ZBTB44: variants seen among roughly 807,000 people sequenced by gnomAD.
The protein encoded by ZBTB44 is zinc finger and BTB domain-containing protein 44.
A neutral mutation model predicts 54.0 loss-of-function variants in ZBTB44; 15 were observed. The observed-to-expected ratio is 0.28, with a 90% CI of 0.19 to 0.43. The LOEUF is 0.43. Ranked by LOEUF, ZBTB44 falls within the 20% of genes least tolerant of loss-of-function variation. The pLI is 1.00. For missense variants in ZBTB44, 487 were observed against 707.1 expected, an observed-to-expected ratio of 0.69 and a Z score of 3.53; for synonymous variants, 230 against 250.1, an observed-to-expected ratio of 0.92 and a Z score of 0.76.
chr11:130,280,727 T>C (rs1940441164), intron 1 of ZBTB44, among the ~76,000 whole-genome samples: 1 of 152,256 alleles, frequency 6.6e-6, no homozygotes, highest in South Asian at 2.1e-4. Context: ...TTCTTTACGT[T>C]GACTTGTTCC....
intron 2 of ZBTB44, among the ~76,000 whole-genome samples, chr11:130,246,569 A>G (rs1591946222): frequency 6.6e-6 from 1 of 152,080 alleles, no homozygotes. Flanking sequence ...GTTGCATCAA[A>G]CTCAAGTTGC....
At chr11:130,271,122 G>A (rs1307587771) in intron 1 of ZBTB44, among the ~76,000 whole-genome samples, 1 of 152,050 alleles carries the variant, frequency 6.6e-6, no homozygotes, top group Non-Finnish European at 1.5e-5. Context: ...ATATATGAAT[G>A]AATAAATTTA....
intron 1 of ZBTB44, among the ~76,000 whole-genome samples, chr11:130,299,536 G>A (rs1478212073): frequency 2.0e-5 from 3 of 149,018 alleles, no homozygotes; most frequent in African/African-American, 7.4e-5. Flanking sequence ...CTGGGTGACA[G>A]AGCGAGACTT....
chr11:130,282,440 GGTTCTTCCACAA>G (rs1242062237), intron 1 of ZBTB44, among the ~76,000 whole-genome samples: 2 of 152,290 alleles, frequency 1.3e-5, no homozygotes, highest in African/African-American at 4.8e-5. Flanking sequence ...GTGTTCTCAA[GGTTCTTCCACAA>G]TGTACTACTG....
chr11:130,311,936 AAAAG>A (rs887308172), intron 1 of ZBTB44, among the ~76,000 whole-genome samples: 5 of 152,294 alleles, frequency 3.3e-5, no homozygotes, highest in East Asian at 1.9e-4. Flanking sequence ...TTGGTCATTA[AAAAG>A]AAAGACGACT....
Position 130,304,449 on chromosome 11 carries a change from C to T in ZBTB44, c.-57+9926G>A, listed in dbSNP as rs554127051. ...GCCTCCTAAGTAATGAGGGAACCCT[C>T]TTTACAACAGTCTTTAATGCTTGAC... On this transcript the variant is annotated intron_variant, in intron 1 of 7. Transcript: ENST00000357899. Among the ~76,000 whole-genome samples the T allele has an allele frequency of 2.6e-5, 4 of 152,260 alleles. No individual in the cohort carries two copies. In the East Asian group the frequency reaches 7.7e-4, roughly 29 times the overall value.
chr11:130,289,083 G>A (rs1049593219), intron 1 of ZBTB44, among the ~76,000 whole-genome samples: 15 of 152,300 alleles, frequency 9.8e-5, no homozygotes, highest in African/African-American at 3.6e-4. Context: ...TGTGGGAAGT[G>A]CTCAAGAGGT....
chr11:130,243,476 A>G lies in ZBTB44; in HGVS notation c.1019-3580T>C, dbSNP rs553742640. ...ACCCACTCAAAGTCTGTGTTGTAAC[A>G]ATTTGTAAGTGGTCTAGCAGTAACT... On this transcript the variant is annotated intron_variant, in intron 2 of 7. Transcript: ENST00000357899. Among the ~76,000 whole-genome samples the G allele has an allele frequency of 4.6e-5, 7 of 152,344 alleles. No homozygotes were observed. In the South Asian group the frequency reaches 8.3e-4, roughly 18 times the overall value.
At chr11:130,235,763 A>T (rs1466289224) in intron 5 of ZBTB44, among the ~76,000 whole-genome samples, 1 of 152,112 alleles carries the variant, frequency 6.6e-6, no homozygotes, top group African/African-American at 2.4e-5. Context: ...GCACTTTGGG[A>T]GGCTGAAGCA....
chr11:130,276,560 G>A (rs375224540), intron 1 of ZBTB44, among the ~76,000 whole-genome samples: 63 of 151,554 alleles, frequency 4.2e-4, no homozygotes, highest in African/African-American at 1.5e-3. Flanking sequence ...TCAGCCTCTC[G>A]AGTAGCTGGG....
Position 130,288,242 on chromosome 11 carries a change from C to T in ZBTB44, c.-57+26133G>A, listed in dbSNP as rs550732793. Among the ~76,000 whole-genome samples, 10 of 151,988 alleles carry T rather than the reference C, an allele frequency of 6.6e-5. 1 individual carries two copies. The highest frequency in any genetic ancestry group is 2.6e-4 in the Admixed American group (4 of 15,262). ...TATAAAAATTAGCCGGGTGTGGTGG[C>T]GCACACCTGTAGTCCCAGCTACTTG... On this transcript the variant is annotated intron_variant, in intron 1 of 7. Transcript: ENST00000357899.
intron 2 of ZBTB44, among the ~76,000 whole-genome samples, chr11:130,250,228 G>T (rs1369263120): frequency 1.3e-5 from 2 of 152,130 alleles, no homozygotes; most frequent in Non-Finnish European, 2.9e-5. Flanking sequence ...CTCTTCATTG[G>T]GCAGGGCATC....
At position 130,226,907 on chromosome 11, in the gene ZBTB44, C is replaced by T. The variant is rs2136230292; in HGVS notation, c.*4857G>A. ...AAACAATCAGGCTAGCAAAAAGGTACTCAATACATATTTTCCTTATATCAA... is the reference window on the plus strand; with the variant it reads ...AAACAATCAGGCTAGCAAAAAGGTATTCAATACATATTTTCCTTATATCAA... On this transcript the variant is annotated 3_prime_UTR_variant, in exon 8 of 8. Coordinates refer to ENST00000357899, the MANE Select transcript of ZBTB44 (RefSeq NM_001301098.2). 6.6e-6 allele frequency: 1 copy of T among 152,122 alleles called. No individual in the cohort carries two copies. Among genetic ancestry groups the T allele is most frequent in the Non-Finnish European group, 1.5e-5 (1 of 68,002 alleles). 9.4% of individuals were successfully genotyped at this position (152,122 alleles called of 1,614,324 possible). A position where few individuals can be genotyped will look rare whatever the true frequency, so the allele number is the denominator to read the frequency against.
chr11:130,262,711 T>C (rs984236917), intron 1 of ZBTB44, among the ~76,000 whole-genome samples: 2 of 148,844 alleles, frequency 1.3e-5, no homozygotes, highest in Non-Finnish European at 3.0e-5. Context: ...AAAAGAAAGA[T>C]GGGAAAAAGA....
rs200473286 is a variant in ZBTB44 at position 130,275,249 on chromosome 11, T to TA, written c.-56-13321dup. ...TCCTTAATATAAGCATCTGTAACTA[T>TA]AAATTTCCCTCTAAGCACTGCTATA... On this transcript the variant is annotated intron_variant, in intron 1 of 7. Transcript: ENST00000357899. Among the ~76,000 whole-genome samples, 1,041 of 152,316 alleles carry TA rather than the reference T, an allele frequency of 6.8e-3. 29 individuals carry two copies. The highest frequency in any genetic ancestry group is 0.053 in the East Asian group (274 of 5,186).
chr11:130,261,993 A>T lies in ZBTB44; in HGVS notation c.-56-64T>A, dbSNP rs537158296. Reference sequence around the variant, plus strand: ...AGTGGTTTAAAATGTGATTTAGATCATTTTCATGTGGCCACTGTACTAAAT... The same window carrying T: ...AGTGGTTTAAAATGTGATTTAGATCTTTTTCATGTGGCCACTGTACTAAAT... On this transcript the variant is annotated intron_variant, in intron 1 of 7. Coordinates refer to ENST00000357899, the MANE Select transcript of ZBTB44 (RefSeq NM_001301098.2). The surrounding 1 kb of genome is among the most constrained non-coding windows in gnomAD (Gnocchi z 4.8). The T allele has an allele frequency of 1.2e-3, 1,490 of 1,198,662 alleles. 5 individuals carry two copies. Among genetic ancestry groups the T allele is most frequent in the Non-Finnish European group, 1.6e-3 (1,375 of 886,544 alleles). The allele number at this position is 1,198,662 out of a possible 1,614,324, so 74.3% of individuals were successfully genotyped here. A position where few individuals can be genotyped will look rare whatever the true frequency, so the allele number is the denominator to read the frequency against.
chr11:130,302,333 A>G (rs1270378495), intron 1 of ZBTB44, among the ~76,000 whole-genome samples: 3 of 152,182 alleles, frequency 2.0e-5, no homozygotes, highest in Non-Finnish European at 4.4e-5. Context: ...ACTGCCTCTC[A>G]AAGTGAAGTT....
chr11:130,234,279 T>A lies in ZBTB44; in HGVS notation c.1569-6A>T. On this transcript the variant is annotated splice_region_variant and splice_polypyrimidine_tract_variant and intron_variant, in intron 5 of 7. Coordinates refer to ENST00000357899, the MANE Select transcript of ZBTB44 (RefSeq NM_001301098.2). ...AGTCCGGTACTAGGAAATCACTAGA[T>A]AAGAGGCAAAGGATGAAATATGGAA... The A allele has an allele frequency of 1.3e-6, 2 of 1,531,128 alleles. No homozygotes were observed. The highest frequency in any genetic ancestry group is 1.8e-6 in the Non-Finnish European group (2 of 1,137,632). 94.8% of individuals were successfully genotyped at this position (1,531,128 alleles called of 1,614,324 possible). A position where few individuals can be genotyped will look rare whatever the true frequency, so the allele number is the denominator to read the frequency against.
At chr11:130,273,907 A>G (rs1464865921) in intron 1 of ZBTB44, among the ~76,000 whole-genome samples, 1 of 123,710 alleles carries the variant, frequency 8.1e-6, no homozygotes, top group Non-Finnish European at 1.7e-5. Flanking sequence ...CACCCGCCCA[A>G]CCCCGGCCCA....
Sources: gnomAD v4.1 joint callset for allele counts (sites outside exome capture counted in the v4.1 genomes callset) on GRCh38, gnomAD v4.1.1 for gene constraint, Gnocchi (gnomAD v3.1) non-coding constraint, MANE v1.5 for transcripts, NCBI Gene and HGNC (gene_info 2026-07-23, HGNC 2026-07-21) for gene names.